POLE4: variants seen among roughly 807,000 people sequenced by gnomAD.
The protein encoded by POLE4 is DNA polymerase epsilon subunit 4.
POLE4 carries 15 observed loss-of-function variants against 15.6 expected under a neutral mutation model. The observed-to-expected ratio is 0.96, with a 90% CI of 0.64 to 1.48. POLE4 has a LOEUF of 1.48. POLE4 is among the 40% of genes most tolerant of loss of function. The pLI is 0.00. For missense variants in POLE4, 205 were observed against 151.9 expected (o/e 1.35, Z -1.84); for synonymous variants, 83 against 63.2 (o/e 1.31, Z -1.49).
At chr2:74,968,875 AT>A (rs1460012469) in intron 3 of POLE4, among the ~76,000 whole-genome samples, 1 of 151,672 alleles carries the variant, frequency 6.6e-6, no homozygotes, top group East Asian at 2.0e-4. Context: ...CCTCTGCTCT[AT>A]TTATAAGCAT....
At chr2:74,959,197 G>T in intron 1 of POLE4, 144 bp from the exon 2 acceptor site, 1 of 627,346 alleles carries the variant, frequency 1.6e-6, no homozygotes, top group Non-Finnish European at 2.9e-6. Context: ...GGATCTTCAT[G>T]AAGTCCAGGA....
At chr2:74,966,578 T>G (rs1038203604) in intron 3 of POLE4, among the ~76,000 whole-genome samples, 2 of 152,172 alleles carry the variant, frequency 1.3e-5, no homozygotes, top group Non-Finnish European at 2.9e-5. Context: ...GTTTTTTTTG[T>G]ATTTTTAGTA....
In POLE4 at chr2:74,962,781, T is replaced by C. The variant is rs375269960; in HGVS notation, c.340+2635T>C. 3.9e-5 allele frequency among the ~76,000 whole-genome samples: 6 copies of C among 152,334 alleles called. No homozygotes were observed. In the East Asian group the frequency reaches 9.6e-4, roughly 24 times the overall value. ...CTATTCTCATCCCCTTTCCCGACATTACTGTTTCCTAACTTTTTTGGTAAT... is the reference window on the plus strand; with the variant it reads ...CTATTCTCATCCCCTTTCCCGACATCACTGTTTCCTAACTTTTTTGGTAAT... On this transcript the variant is annotated intron_variant, in intron 3 of 3. Coordinates refer to ENST00000483063, the MANE Select transcript of POLE4 (RefSeq NM_019896.4).
chr2:74,958,681 T>TGGC lies in POLE4; in HGVS notation c.18_20dup (p.Ala7dup), dbSNP rs528770146. On this transcript the variant is annotated inframe_insertion, in exon 1 of 4. Coordinates refer to ENST00000483063, the MANE Select transcript of POLE4 (RefSeq NM_019896.4). ...GCGCGCAGCACGCTCAAGGCCGGGA[T>TGGC]GGCGGCGGCGGCGGCGGCAGGAAGC... The TGGC allele has an allele frequency of 3.7e-3, 5,375 of 1,457,368 alleles. 95 individuals are homozygous for TGGC. The African/African-American group carries it at 0.048, about 13-fold the overall frequency. 90.3% of individuals were successfully genotyped at this position (1,457,368 alleles called of 1,614,324 possible). A position where few individuals can be genotyped will look rare whatever the true frequency, so the allele number is the denominator to read the frequency against.
intron 3 of POLE4, among the ~76,000 whole-genome samples, chr2:74,964,529 G>T (rs1490034112): frequency 6.6e-6 from 1 of 151,876 alleles, no homozygotes; most frequent in Admixed American, 6.5e-5. Flanking sequence ...GATGTATTTT[G>T]TTAAATGTTG....
chr2:74,963,641 C>G (rs151100800), intron 3 of POLE4, among the ~76,000 whole-genome samples: 4 of 152,152 alleles, frequency 2.6e-5, no homozygotes, highest in Non-Finnish European at 5.9e-5. Context: ...GCGTGTACCA[C>G]CACGCCTGGC....
chr2:74,960,280 A>C, intron 3 of POLE4, 134 bp downstream of exon 3: 3 of 775,752 alleles, frequency 3.9e-6, no homozygotes, highest in Non-Finnish European at 6.6e-6. Context: ...TTAGGATAGA[A>C]AAAAGTAACT....
intron 3 of POLE4, among the ~76,000 whole-genome samples, chr2:74,968,830 C>T (rs1272051585): frequency 6.6e-6 from 1 of 151,964 alleles, no homozygotes; most frequent in Non-Finnish European, 1.5e-5. Context: ...TCCTTTTCTG[C>T]TGCAGCCCCC....
At chr2:74,964,351 C>G (rs1671268077) in intron 3 of POLE4, among the ~76,000 whole-genome samples, 1 of 152,076 alleles carries the variant, frequency 6.6e-6, no homozygotes, top group South Asian at 2.1e-4. Flanking sequence ...TAGAATCTGT[C>G]AAATTCCACA....
chr2:74,959,002 T>A, intron 1 of POLE4, 110 bp downstream of exon 1: 1 of 1,002,254 alleles, frequency 1.0e-6, no homozygotes, highest in Non-Finnish European at 1.5e-6. Flanking sequence ...GGTTTTGAGA[T>A]GTGGGCGTGG....
chr2:74,969,382 T>C (rs1431177619), intron 3 of POLE4, 27 bp from the exon 4 acceptor site: 2 of 1,612,280 alleles, frequency 1.2e-6, no homozygotes, highest in Admixed American at 3.3e-5. Flanking sequence ...GGTCCCCTGA[T>C]ATACTCATTG....
intron 3 of POLE4, among the ~76,000 whole-genome samples, chr2:74,967,281 T>C (rs1273650600): frequency 6.6e-6 from 1 of 152,112 alleles, no homozygotes; most frequent in Non-Finnish European, 1.5e-5. Flanking sequence ...TCTTCCAGTT[T>C]ATTCTCTCCA....
intron 3 of POLE4, among the ~76,000 whole-genome samples, chr2:74,964,496 A>G (rs866179651): frequency 6.6e-6 from 1 of 152,108 alleles, no homozygotes; most frequent in Non-Finnish European, 1.5e-5. Flanking sequence ...TTTTTAATAA[A>G]TTATTTTACC....
Position 74,958,687 on chromosome 2 carries a change from C to A in POLE4, c.8C>A (p.Ala3Glu). The A allele has an allele frequency of 1.4e-6, 2 of 1,462,668 alleles. No homozygotes were observed. Among genetic ancestry groups the A allele is most frequent in the Non-Finnish European group, 1.8e-6 (2 of 1,112,986 alleles). The allele number at this position is 1,462,668 out of a possible 1,614,324, so 90.6% of individuals were successfully genotyped here. ...AGCACGCTCAAGGCCGGGATGGCGG[C>A]GGCGGCGGCGGCAGGAAGCGGGACG... MA[A>E]AAAAGSGTPR... Residue 3 changes from alanine (A) to glutamate (E), a missense_variant, in exon 1 of 4, where the codon GCG becomes GAG. Ala to Glu is a moderately radical substitution (Grantham distance 107). Coordinates refer to ENST00000483063, the MANE Select transcript of POLE4 (RefSeq NM_019896.4).
At position 74,959,014 on chromosome 2, in the gene POLE4, C is replaced by T. The variant is rs1671171651; in HGVS notation, c.213+122C>T. 5 of 900,020 alleles carry T rather than the reference C, an allele frequency of 5.6e-6. No individual in the cohort carries two copies. The African/African-American group carries it at 8.5e-5, about 15-fold the overall frequency. The allele number at this position is 900,020 out of a possible 1,614,324, so 55.8% of individuals were successfully genotyped here. ...CCGGGTTTTGAGATGTGGGCGTGGA[C>T]CCGGAAGGCGGAGGAAAGGGGCCGG... On this transcript the variant is annotated intron_variant, in intron 1 of 3. Transcript: ENST00000483063.
chr2:74,969,427 C>T lies in POLE4; in HGVS notation c.*5C>T, dbSNP rs373516792. 72 of 1,613,552 alleles carry T rather than the reference C, an allele frequency of 4.5e-5. 1 individual carries two copies. The highest frequency in any genetic ancestry group is 2.2e-5 in the East Asian group (1 of 44,880). On this transcript the variant is annotated 3_prime_UTR_variant, in exon 4 of 4. Coordinates refer to ENST00000483063, the MANE Select transcript of POLE4 (RefSeq NM_019896.4). Reference sequence around the variant, plus strand: ...TGTTTAGGTACTTTAGATTGATTGCCGAGCGGGGCAGTTTTGTGAGCCTTC... The same window carrying T: ...TGTTTAGGTACTTTAGATTGATTGCTGAGCGGGGCAGTTTTGTGAGCCTTC...
At chr2:74,967,237 C>T (rs1448199535) in intron 3 of POLE4, among the ~76,000 whole-genome samples, 2 of 151,922 alleles carry the variant, frequency 1.3e-5, no homozygotes, top group Non-Finnish European at 2.9e-5. Context: ...ATAATTTTGC[C>T]TCTCTAGTAT....
At chr2:74,963,366 C>T (rs1356821275) in intron 3 of POLE4, among the ~76,000 whole-genome samples, 1 of 152,044 alleles carries the variant, frequency 6.6e-6, no homozygotes, top group Non-Finnish European at 1.5e-5. Flanking sequence ...TCGTATTGCC[C>T]TGATTGTGGG....
In POLE4 at chr2:74,969,435, G is replaced by A. The variant is rs1558829725; in HGVS notation, c.*13G>A. On this transcript the variant is annotated 3_prime_UTR_variant, in exon 4 of 4. Transcript: ENST00000483063. ...TACTTTAGATTGATTGCCGAGCGGG[G>A]CAGTTTTGTGAGCCTTCATCTGAAG... 1.9e-6 allele frequency: 3 copies of A among 1,613,330 alleles called. No individual in the cohort carries two copies. The highest frequency in any genetic ancestry group is 4.5e-5 in the East Asian group (2 of 44,874).
Sources: allele counts gnomAD v4.1 joint callset (sites outside exome capture counted in the v4.1 genomes callset), GRCh38; gene constraint gnomAD v4.1.1; transcripts MANE v1.5; gene names NCBI Gene and HGNC (gene_info 2026-07-23, HGNC 2026-07-21).